DCAF17: variants seen among roughly 807,000 people sequenced by gnomAD.
The protein encoded by DCAF17 is DDB1 and CUL4 associated factor 17.
Under a neutral mutation model 66.0 loss-of-function variants are expected in DCAF17, and 48 were observed. The ratio of observed to expected loss-of-function variants is 0.73; its 90% CI spans 0.58 to 0.92. The LOEUF is 0.92. Among genes scored for constraint, DCAF17 ranks in the 40% least tolerant of loss-of-function variants. DCAF17 has a pLI of 0.00. For missense variants in DCAF17, 562 were observed against 622.8 expected (o/e 0.90, Z 1.04); for synonymous variants, 206 against 214.6 (o/e 0.96, Z 0.35).
chr2:171,482,846 C>A lies in DCAF17; in HGVS notation c.*1732C>A, dbSNP rs1396685550. The A allele has an allele frequency of 1.1e-5, 5 of 453,924 alleles. No homozygotes were observed. Among genetic ancestry groups the A allele is most frequent in the Non-Finnish European group, 2.2e-5 (5 of 226,788 alleles). 28.1% of individuals were successfully genotyped at this position (453,924 alleles called of 1,614,324 possible). On this transcript the variant is annotated 3_prime_UTR_variant, in exon 14 of 14. Transcript: ENST00000375255. ...ATACTTCTGGTCTAGATATAACTTA[C>A]CACTAAGAAACCCCCAGTATGTCAC...
rs766154346 is a variant in DCAF17, at chr2:171,478,092, A to G, written c.1266+22A>G. 1.0e-5 allele frequency: 16 copies of G among 1,576,828 alleles called. No homozygotes were observed. The Admixed American group carries it at 2.5e-4, about 25-fold the overall frequency. On this transcript the variant is annotated intron_variant, in intron 12 of 13. Transcript: ENST00000375255. ...AGAGGTATTGCTTTGGCCAGAGATG[A>G]CAAACCAAACCAGTGTGTCCTTGCA...
At position 171,448,661 on chromosome 2, in the gene DCAF17, A is replaced by C. The variant is rs568712419; in HGVS notation, c.322-20A>C. 4.6e-6 allele frequency: 7 copies of C among 1,525,482 alleles called. No homozygotes were observed. Among genetic ancestry groups the C allele is most frequent in the Non-Finnish European group, 6.1e-6 (7 of 1,138,300 alleles). 94.5% of individuals were successfully genotyped at this position (1,525,482 alleles called of 1,614,324 possible). A position where few individuals can be genotyped will look rare whatever the true frequency, so the allele number is the denominator to read the frequency against. On this transcript the variant is annotated intron_variant, in intron 3 of 13. Coordinates refer to ENST00000375255, the MANE Select transcript of DCAF17 (RefSeq NM_025000.4). Reference sequence around the variant, plus strand: ...CATGGCCAAGCAGTTTCATTTTTATATCTCTCTTTTTTTTTTTAGGGAGAT... The same window carrying C: ...CATGGCCAAGCAGTTTCATTTTTATCTCTCTCTTTTTTTTTTTAGGGAGAT...
At chr2:171,440,125 G>T (rs1172925281) in intron 2 of DCAF17, among the ~76,000 whole-genome samples, 1 of 152,060 alleles carries the variant, frequency 6.6e-6, no homozygotes, top group Non-Finnish European at 1.5e-5. Context: ...CATCGCACCT[G>T]GCTTAATCAT....
Position 171,483,393 on chromosome 2 carries a change from G to T in DCAF17, c.*2279G>T, listed in dbSNP as rs915408684. Reference sequence around the variant, plus strand: ...GAAGCAGGGTAGCTTCCATCAGCAGGTACAGACGTTACGCTGAAAAGAGGT... The same window carrying T: ...GAAGCAGGGTAGCTTCCATCAGCAGTTACAGACGTTACGCTGAAAAGAGGT... On this transcript the variant is annotated 3_prime_UTR_variant, in exon 14 of 14. Coordinates refer to ENST00000375255, the MANE Select transcript of DCAF17 (RefSeq NM_025000.4). The T allele has an allele frequency of 4.4e-6, 2 of 453,966 alleles. No homozygotes were observed. The highest frequency in any genetic ancestry group is 1.6e-5 in the South Asian group (1 of 64,476). The allele number at this position is 453,966 out of a possible 1,614,324, so 28.1% of individuals were successfully genotyped here.
rs1282901059 is a variant in DCAF17, at chr2:171,483,255, A to C, written c.*2141A>C. 4.4e-6 allele frequency: 2 copies of C among 453,900 alleles called. No individual in the cohort carries two copies. The highest frequency in any genetic ancestry group is 1.4e-4 in the East Asian group (2 of 14,380). 28.1% of individuals were successfully genotyped at this position (453,900 alleles called of 1,614,324 possible). On this transcript the variant is annotated 3_prime_UTR_variant, in exon 14 of 14. Transcript: ENST00000375255. Reference sequence around the variant, plus strand: ...CCTGCCCTACCTAAACCCCCTCTTTACCTGATATTTTAATTCGAGACTCTA... The same window carrying C: ...CCTGCCCTACCTAAACCCCCTCTTTCCCTGATATTTTAATTCGAGACTCTA...
chr2:171,457,901 C>A, intron 6 of DCAF17, 70 bp from the exon 7 acceptor site: 1 of 1,203,034 alleles, frequency 8.3e-7, no homozygotes, highest in Non-Finnish European at 1.2e-6. Flanking sequence ...AGAGTACAAA[C>A]CACTGTGAAC....
rs964956761 is a variant in DCAF17 at position 171,480,300 on chromosome 2, A to G, written c.1422+107A>G. The G allele has an allele frequency of 7.9e-6, 11 of 1,390,078 alleles. No homozygotes were observed. The African/African-American group carries it at 8.6e-5, about 11-fold the overall frequency. The allele number at this position is 1,390,078 out of a possible 1,614,324, so 86.1% of individuals were successfully genotyped here. The stretch of plus-strand genomic sequence containing the variant: ...TGTCAGTCCAGACTCACCTATGCCA[A>G]TGACCATGTGAAAGAGGTTTTGTCC... On this transcript the variant is annotated intron_variant, in intron 13 of 13. Coordinates refer to ENST00000375255, the MANE Select transcript of DCAF17 (RefSeq NM_025000.4).
chr2:171,460,322 C>CAA (rs770720263), intron 8 of DCAF17, among the ~76,000 whole-genome samples: 14 of 76,920 alleles, frequency 1.8e-4, no homozygotes, highest in African/African-American at 7.2e-4. Context: ...GATTCCATCT[C>CAA]AAAAAAAAAA....
At chr2:171,435,811 C>G (rs1693880375) in intron 2 of DCAF17, among the ~76,000 whole-genome samples, 2 of 152,000 alleles carry the variant, frequency 1.3e-5, no homozygotes, top group Admixed American at 1.3e-4. Flanking sequence ...AAAAAATGAG[C>G]TTTTTTTATA....
rs1293831167 is a variant in DCAF17, at chr2:171,482,108, C to G, written c.*994C>G. The G allele has an allele frequency of 8.9e-6, 4 of 450,050 alleles. No individual in the cohort carries two copies. Among genetic ancestry groups the G allele is most frequent in the Admixed American group, 7.2e-5 (3 of 41,904 alleles). The allele number at this position is 450,050 out of a possible 1,614,324, so 27.9% of individuals were successfully genotyped here. On this transcript the variant is annotated 3_prime_UTR_variant, in exon 14 of 14. Transcript: ENST00000375255. ...TGTTAGGAAAGATCTAAATATGGTC[C>G]TTGACTTTTAATAATCATTCTTTAG...
At chr2:171,447,242 A>G (rs1367763047) in intron 3 of DCAF17, 1 of 173,404 alleles carries the variant, frequency 5.8e-6, no homozygotes, top group East Asian at 1.8e-4. Context: ...TTTCCTTAAC[A>G]TTTGAAAGGC....
intron 2 of DCAF17, among the ~76,000 whole-genome samples, chr2:171,438,844 C>T (rs1308980619): frequency 1.3e-5 from 2 of 149,078 alleles, no homozygotes; most frequent in Admixed American, 6.8e-5. Flanking sequence ...TGAAGCAATC[C>T]GACCATCTCA....
chr2:171,477,968 A>C lies in DCAF17; in HGVS notation c.1183-19A>C. On this transcript the variant is annotated intron_variant, in intron 11 of 13. Transcript: ENST00000375255. ...GTAATAGAACTTGTCATATCTTTTT[A>C]TTTCTTTCCATATGATAGAATGAAA... The C allele has an allele frequency of 6.2e-7, 1 of 1,601,826 alleles. No homozygotes were observed. The highest frequency in any genetic ancestry group is 8.6e-7 in the Non-Finnish European group (1 of 1,169,096).
chr2:171,475,821 A>T (rs78632393), intron 10 of DCAF17, among the ~76,000 whole-genome samples: 3 of 152,198 alleles, frequency 2.0e-5, no homozygotes, highest in Non-Finnish European at 2.9e-5. Context: ...GCTTCGTAGT[A>T]ATCAGTCTAC....
At chr2:171,465,591 T>A (rs998608514) in intron 8 of DCAF17, among the ~76,000 whole-genome samples, 1 of 152,164 alleles carries the variant, frequency 6.6e-6, no homozygotes, top group Non-Finnish European at 1.5e-5. Flanking sequence ...CAACCAATTC[T>A]GCCTCAGCCT....
At chr2:171,439,789 A>G (rs1370795333) in intron 2 of DCAF17, among the ~76,000 whole-genome samples, 1 of 152,040 alleles carries the variant, frequency 6.6e-6, no homozygotes, top group Non-Finnish European at 1.5e-5. Context: ...TTAGCTGGGC[A>G]TGGTGGCACA....
At chr2:171,473,253 G>C (rs1696342489) in intron 9 of DCAF17, among the ~76,000 whole-genome samples, 1 of 152,150 alleles carries the variant, frequency 6.6e-6, no homozygotes, top group Non-Finnish European at 1.5e-5. Flanking sequence ...TTATGGCAGA[G>C]TTATATAATG....
At chr2:171,475,129 G>T (rs1438567522) in intron 10 of DCAF17, among the ~76,000 whole-genome samples, 4 of 152,148 alleles carry the variant, frequency 2.6e-5, no homozygotes, top group Non-Finnish European at 5.9e-5. Context: ...TCAGAAAACT[G>T]AGGGCCTGTT....
Position 171,453,133 on chromosome 2 carries a change from C to T in DCAF17, c.547C>T (p.Gln183Ter). 1 of 1,608,054 alleles carries T rather than the reference C, an allele frequency of 6.2e-7. No homozygotes were observed. The highest frequency in any genetic ancestry group is 1.1e-5 in the South Asian group (1 of 89,566). Residue 183 changes from glutamine to a stop codon, truncating the protein, a stop_gained, in exon 6 of 14, where the codon CAA (glutamine) becomes TAA (stop). Coordinates refer to ENST00000375255, the MANE Select transcript of DCAF17 (RefSeq NM_025000.4). LOFTEE classifies it high-confidence loss of function. Reference protein sequence around the residue: ...GSAVARQAGIQQHVLLYLAVF... With the variant: ...GSAVARQAGI ...TAGTCTTTCCTTCTAGGCAGGCATT[C>T]AACAACATGTTTTGCTGTACCTTGC...
Sources: allele counts gnomAD v4.1 joint callset (sites outside exome capture counted in the v4.1 genomes callset), GRCh38; gene constraint gnomAD v4.1.1; transcripts MANE v1.5; gene names NCBI Gene and HGNC (gene_info 2026-07-23, HGNC 2026-07-21).